The following ZNF117 variants were observed in gnomAD, a reference collection of about 807,000 sequenced individuals.
ZNF117 encodes zinc finger protein 117.
In ZNF117, 37 loss-of-function variants were observed where a neutral mutation model predicts 41.2. The observed-to-expected ratio is 0.90, with a 90% CI of 0.69 to 1.18. ZNF117 has a LOEUF of 1.18. Ranked by LOEUF, ZNF117 falls within the 50% of genes most tolerant of loss-of-function variation. The pLI is 0.00. For synonymous variants in ZNF117, 186 were observed against 186.6 expected, an observed-to-expected ratio of 1.00 and a Z score of 0.02; for missense variants, 546 against 557.5, an observed-to-expected ratio of 0.98 and a Z score of 0.21.
chr7:64,982,887 C>A (rs772691389), upstream of ZNF117, among the ~76,000 whole-genome samples: 1 of 152,176 alleles, frequency 6.6e-6, no homozygotes. Flanking sequence ...ACATCAACTG[C>A]ACTAGGACAA....
chr7:64,986,369 A>G (rs377582698), upstream of ZNF117, among the ~76,000 whole-genome samples: 1 of 152,186 alleles, frequency 6.6e-6, no homozygotes. Flanking sequence ...GTAGGGAAAA[A>G]CAGTCATTCA....
At chr7:64,975,683 T>A (rs1221501786) in exon 3 of ZNF117, 3 of 152,168 alleles carry the variant, frequency 2.0e-5, no homozygotes, top group Non-Finnish European at 4.4e-5. Flanking sequence ...ATACTTTAAA[T>A]GTAATTATAA....
chr7:64,991,010 G>T (rs1380991008), exon 1 of ZNF117: 2 of 463,336 alleles, frequency 4.3e-6, no homozygotes, highest in Non-Finnish European at 7.6e-6. Context: ...CTTGGCAGGG[G>T]TTAATACTTA....
upstream of ZNF117, among the ~76,000 whole-genome samples, chr7:64,983,692 A>G (rs1219626562): frequency 6.6e-6 from 1 of 152,228 alleles, no homozygotes; most frequent in Non-Finnish European, 1.5e-5. Context: ...TAAAAGTGTC[A>G]GCACCACCTG....
chr7:64,988,286 T>A (rs1038605620), intron 1 of ZNF117, among the ~76,000 whole-genome samples: 1 of 152,172 alleles, frequency 6.6e-6, no homozygotes, highest in Non-Finnish European at 1.5e-5. Flanking sequence ...CCCTGGGATA[T>A]GAGGCTGGTT....
chr7:64,980,275 TTTTTAATGTTCAAATTTC>T (rs1785998425), intron 2 of ZNF117: 1 of 152,058 alleles, frequency 6.6e-6, no homozygotes, highest in Non-Finnish European at 1.5e-5. Flanking sequence ...AGGTAGCTTG[TTTTTAATGTTCAAATTTC>T]AATTAAAGAT....
chr7:64,974,143 T>TA (rs1481429449), downstream of ZNF117: 2 of 151,888 alleles, frequency 1.3e-5, no homozygotes, highest in African/African-American at 4.8e-5. Context: ...ATTCTCCAAT[T>TA]AAAAGAACAA....
rs1457221938 is a variant in ZNF117, at chr7:64,977,825, C to T, written c.*294G>A. On this transcript the variant is annotated 3_prime_UTR_variant, in exon 3 of 3. Transcript: ENST00000620222. ...CACATTCTTCACATTTGTAGGGTTTCTCTCCAATATGAATTTTCTTATGTT... is the reference window on the plus strand; with the variant it reads ...CACATTCTTCACATTTGTAGGGTTTTTCTCCAATATGAATTTTCTTATGTT... 3.7e-6 allele frequency: 4 copies of T among 1,075,866 alleles called. No homozygotes were observed. In the African/African-American group the frequency reaches 4.7e-5, roughly 13 times the overall value. 66.6% of individuals were successfully genotyped at this position (1,075,866 alleles called of 1,614,324 possible).
chr7:64,977,345 T>C (rs1040443925), exon 3 of ZNF117: 1 of 415,900 alleles, frequency 2.4e-6, no homozygotes, highest in South Asian at 1.9e-5. Context: ...TTATCTTATA[T>C]GTAGAAAGGG....
rs144728397 is a variant in ZNF117, at chr7:64,987,542, C to T, written c.-196+2405G>A. Among the ~76,000 whole-genome samples the T allele has an allele frequency of 2.0e-3, 297 of 152,060 alleles. 1 individual carries two copies. The highest frequency in any genetic ancestry group is 3.4e-3 in the Middle Eastern group (1 of 294). ...AAAAATTAATAAGCTAAATAAACCACGAGCCAGATTCATAAAGAAAGAAGA... is the reference window on the plus strand; with the variant it reads ...AAAAATTAATAAGCTAAATAAACCATGAGCCAGATTCATAAAGAAAGAAGA... On this transcript the variant is annotated intron_variant, in intron 1 of 3. Coordinates refer to the ZNF117 transcript ENST00000282869.
chr7:64,977,322 T>C lies in ZNF117; in HGVS notation c.*797A>G, dbSNP rs138356996. 2.1e-4 allele frequency: 87 copies of C among 419,772 alleles called. 1 individual carries two copies. The highest frequency in any genetic ancestry group is 1.7e-3 in the African/African-American group (84 of 48,214). 26.0% of individuals were successfully genotyped at this position (419,772 alleles called of 1,614,324 possible). ...ACATTCTTCACATTTGTAGCATTTCTCTCCAGTGTGAATTATCTTATATGT... is the reference window on the plus strand; with the variant it reads ...ACATTCTTCACATTTGTAGCATTTCCCTCCAGTGTGAATTATCTTATATGT... On this transcript the variant is annotated 3_prime_UTR_variant, in exon 3 of 3. Transcript: ENST00000620222.
At chr7:64,990,639 A>G (rs947398817) in exon 1 of ZNF117, 3 of 152,276 alleles carry the variant, frequency 2.0e-5, no homozygotes, top group African/African-American at 7.2e-5. Context: ...GAAAAACAAG[A>G]ACTTACAAAA....
intron 1 of ZNF117, among the ~76,000 whole-genome samples, chr7:64,989,172 C>CAT (rs1786198314): frequency 6.9e-6 from 1 of 145,750 alleles, no homozygotes; most frequent in African/African-American, 2.5e-5. Flanking sequence ...CATATATACA[C>CAT]ATATACACAC....
At chr7:64,975,937 GTAGT>G (rs1785876913) in exon 3 of ZNF117, 1 of 152,290 alleles carries the variant, frequency 6.6e-6, no homozygotes, top group Non-Finnish European at 1.5e-5. Context: ...TTTCTAAGCA[GTAGT>G]TTTTGAAAAA....
Position 64,989,125 on chromosome 7 carries a change from C to T in ZNF117, c.-196+822G>A, listed in dbSNP as rs148208302. On this transcript the variant is annotated intron_variant, in intron 1 of 3. Coordinates refer to the ZNF117 transcript ENST00000282869. Reference sequence around the variant, plus strand: ...AATTCATATAGAACTAACAAAGAGCCCGAATACCCAAGGCAATGTATACAC... The same window carrying T: ...AATTCATATAGAACTAACAAAGAGCTCGAATACCCAAGGCAATGTATACAC... 3.9e-3 allele frequency among the ~76,000 whole-genome samples: 574 copies of T among 146,480 alleles called. 18 individuals are homozygous for T. Among genetic ancestry groups the T allele is most frequent in the Admixed American group, 0.037 (521 of 14,230 alleles).
rs547192066 is a variant in ZNF117, at chr7:64,987,415, C to G, written c.-196+2532G>C. Among the ~76,000 whole-genome samples the G allele has an allele frequency of 3.3e-5, 5 of 152,244 alleles. No homozygotes were observed. In the South Asian group the frequency reaches 8.3e-4, roughly 25 times the overall value. On this transcript the variant is annotated intron_variant, in intron 1 of 3. Transcript: ENST00000282869. ...GATGCAAGACAAAACCAATCCCTAA[C>G]TAGCAGAGGGCAAAAAGTAACTAAT... is the stretch of plus-strand genomic sequence containing the variant.
chr7:64,988,735 A>C (rs7803542), intron 1 of ZNF117, among the ~76,000 whole-genome samples: 57,716 of 152,070 alleles, frequency 0.38, 11,199 homozygotes, highest in Middle Eastern at 0.43. Flanking sequence ...AAACTGAAAA[A>C]CTGAACCAAA....
At chr7:64,978,542 G>C in exon 3 of ZNF117, 1 of 1,613,000 alleles carries the variant, frequency 6.2e-7, no homozygotes, top group Non-Finnish European at 8.5e-7. Flanking sequence ...TTGAGAGTTG[G>C]TTAAAAGCTT....
At chr7:64,983,289 T>A (rs1056840972), upstream of ZNF117, among the ~76,000 whole-genome samples, 1 of 152,270 alleles carries the variant, frequency 6.6e-6, no homozygotes, top group South Asian at 2.1e-4. Flanking sequence ...CACCTTCCCA[T>A]GTTCAACAGC....
Sources: allele counts gnomAD v4.1 joint callset (sites outside exome capture counted in the v4.1 genomes callset), GRCh38; gene constraint gnomAD v4.1.1; transcripts MANE v1.5; gene names NCBI Gene and HGNC (gene_info 2026-07-23, HGNC 2026-07-21).